CNTNAP4: variants seen among roughly 807,000 people sequenced by gnomAD.
CNTNAP4 encodes the protein contactin associated protein family member 4, also known as contactin-associated protein-like 4.
In CNTNAP4, 98 loss-of-function variants were observed where a neutral mutation model predicts 148.4. That is an observed-to-expected ratio of 0.66 (90% CI 0.56 to 0.78). CNTNAP4 has a LOEUF of 0.78. Among genes scored for constraint, CNTNAP4 ranks in the 30% least tolerant of loss-of-function variants. The probability of loss-of-function intolerance (pLI) is 0.00; values close to 1 mark genes in which losing one functional copy is unlikely to be tolerated. For synonymous variants in CNTNAP4, 730 were observed against 565.1 expected (o/e 1.29, Z -4.14); for missense variants, 1,935 against 1,565.6 (o/e 1.24, Z -3.98).
At chr16:76,365,438 A>C (rs1404655103) in intron 3 of CNTNAP4, among the ~76,000 whole-genome samples, 2 of 152,122 alleles carry the variant, frequency 1.3e-5, no homozygotes, top group Non-Finnish European at 2.9e-5. Context: ...TAAGATTTGA[A>C]GTGGATACAA....
intron 1 of CNTNAP4, among the ~76,000 whole-genome samples, chr16:76,292,718 T>C (rs1959163942): frequency 1.3e-5 from 2 of 152,158 alleles, no homozygotes; most frequent in South Asian, 4.1e-4. Context: ...TTTTTTTTTC[T>C]GTCTTTTTGA....
At position 76,277,681 on chromosome 16, in the gene CNTNAP4, G is replaced by C; in HGVS notation, c.19G>C (p.Ala7Pro). Reference protein sequence around the residue: MGSVTGAVLKTLLLLST... With the variant: MGSVTGPVLKTLLLLST... Reference sequence around the variant, plus strand: ...TGTGAACATGGGATCTGTCACGGGAGCTGTCCTCAAGACGCTACTTCTGTT... The same window carrying C: ...TGTGAACATGGGATCTGTCACGGGACCTGTCCTCAAGACGCTACTTCTGTT... The change falls in exon 1 of 24, where the codon GCT becomes CCT. Residue 7 changes from alanine (A) to proline (P), a missense_variant. Physicochemically the swap from Ala to Pro is conservative, Grantham distance 27. Transcript: ENST00000611870. 1 of 1,605,366 alleles carries C rather than the reference G, an allele frequency of 6.2e-7. No homozygotes were observed. The highest frequency in any genetic ancestry group is 8.5e-7 in the Non-Finnish European group (1 of 1,175,544).
chr16:76,416,859 A>T (rs9921993), intron 3 of CNTNAP4, among the ~76,000 whole-genome samples: 19 of 151,168 alleles, frequency 1.3e-4, no homozygotes, highest in African/African-American at 2.9e-4. Flanking sequence ...TTGCCATTCT[A>T]TCAGTATTTG....
At chr16:76,368,354 T>C (rs561051382) in intron 3 of CNTNAP4, among the ~76,000 whole-genome samples, 8 of 152,362 alleles carry the variant, frequency 5.3e-5, no homozygotes, top group Admixed American at 2.0e-4. Flanking sequence ...TAAGTTATTC[T>C]ACTATAAAGA....
intron 10 of CNTNAP4, among the ~76,000 whole-genome samples, chr16:76,474,571 C>T (rs1400175305): frequency 6.6e-6 from 1 of 152,060 alleles, no homozygotes; most frequent in South Asian, 2.1e-4. Context: ...GTAGAAACCC[C>T]ATCACAAATG....
chr16:76,505,240 C>T lies in CNTNAP4; in HGVS notation c.2365+6546C>T, dbSNP rs188164437. On this transcript the variant is annotated intron_variant, in intron 15 of 23. Transcript: ENST00000611870. ...ATGTTTATCAACTAGTGAAAGGATA[C>T]ACGTTCCATTTTACTGTGGTGTACC... 6.5e-3 allele frequency among the ~76,000 whole-genome samples: 649 copies of T among 100,470 alleles called. 97 individuals are homozygous for T. Among genetic ancestry groups the T allele is most frequent in the African/African-American group, 0.015 (593 of 39,794 alleles). 65.9% of individuals were successfully genotyped at this position (100,470 alleles called of 152,430 possible). A position where few individuals can be genotyped will look rare whatever the true frequency, so the allele number is the denominator to read the frequency against.
At chr16:76,410,397 G>A (rs34290096) in intron 3 of CNTNAP4, among the ~76,000 whole-genome samples, 51,460 of 151,500 alleles carry the variant, frequency 0.34, 10,731 homozygotes, top group Non-Finnish European at 0.44. Context: ...AGCTTTCTCT[G>A]TTCTTGTTTC....
At chr16:76,468,991 A>C (rs8060386) in intron 10 of CNTNAP4, among the ~76,000 whole-genome samples, 149,658 of 152,288 alleles carry the variant, frequency 0.98, 73,580 homozygotes, top group East Asian at 1. Flanking sequence ...AAATTATGAG[A>C]ATCAAAAGTA....
chr16:76,540,220 G>T (rs572975658), intron 20 of CNTNAP4, among the ~76,000 whole-genome samples: 1 of 152,156 alleles, frequency 6.6e-6, no homozygotes, highest in South Asian at 2.1e-4. Flanking sequence ...TTAATGATAT[G>T]AGTCACAGCA....
intron 4 of CNTNAP4, among the ~76,000 whole-genome samples, chr16:76,432,272 G>T (rs138130492): frequency 6.6e-6 from 1 of 152,262 alleles, no homozygotes; most frequent in Non-Finnish European, 1.5e-5. Context: ...TGGCTATTGT[G>T]AAAACCACAC....
intron 15 of CNTNAP4, among the ~76,000 whole-genome samples, chr16:76,504,606 A>G (rs926677070): frequency 1.3e-5 from 2 of 152,128 alleles, no homozygotes; most frequent in African/African-American, 4.8e-5. Flanking sequence ...TAGAATAAAA[A>G]TAATAATAAA....
intron 10 of CNTNAP4, among the ~76,000 whole-genome samples, chr16:76,471,611 T>C (rs4888511): frequency 0.99 from 150,032 of 152,242 alleles, 73,964 homozygotes; most frequent in East Asian, 1. Flanking sequence ...TGTTTTCCTC[T>C]TCCTTTCTGG....
intron 2 of CNTNAP4, among the ~76,000 whole-genome samples, chr16:76,322,469 T>C (rs1449228330): frequency 6.6e-6 from 1 of 152,236 alleles, no homozygotes; most frequent in Non-Finnish European, 1.5e-5. Context: ...GAGCGACTTC[T>C]TTGGTGTTAG....
intron 17 of CNTNAP4, among the ~76,000 whole-genome samples, chr16:76,525,445 G>T (rs4357964): frequency 0.017 from 2,511 of 148,364 alleles, 66 homozygotes; most frequent in African/African-American, 0.057. Flanking sequence ...TCTATATAGA[G>T]AGAGAAAAAA....
At chr16:76,439,662 A>T (rs1373314626) in intron 4 of CNTNAP4, among the ~76,000 whole-genome samples, 3 of 152,096 alleles carry the variant, frequency 2.0e-5, no homozygotes, top group Non-Finnish European at 2.9e-5. Context: ...TTTTCCCATA[A>T]CCTGCTGGTG....
rs1055478430 is a variant in CNTNAP4, at chr16:76,512,535, A to C, written c.2366-8605A>C. 3.9e-5 allele frequency among the ~76,000 whole-genome samples: 6 copies of C among 152,306 alleles called. No individual in the cohort carries two copies. In the East Asian group the frequency reaches 1.2e-3, roughly 29 times the overall value. ...AGAGGGAAAGAACTGGCATTAATTG[A>C]AATGGGGGAGATTGCTGCTGGGGTC... On this transcript the variant is annotated intron_variant, in intron 15 of 23. Coordinates refer to ENST00000611870, the MANE Select transcript of CNTNAP4 (RefSeq NM_033401.5).
intron 1 of CNTNAP4, among the ~76,000 whole-genome samples, chr16:76,310,874 G>T (rs921823068): frequency 6.6e-6 from 1 of 151,996 alleles, no homozygotes; most frequent in African/African-American, 2.4e-5. Context: ...AGAAGATCTG[G>T]CACCAGATTG....
chr16:76,383,687 T>C (rs1022650593), intron 3 of CNTNAP4, among the ~76,000 whole-genome samples: 2 of 152,218 alleles, frequency 1.3e-5, no homozygotes, highest in African/African-American at 4.8e-5. Context: ...ATTTTAGATG[T>C]GACAATTGTG....
intron 3 of CNTNAP4, among the ~76,000 whole-genome samples, chr16:76,416,867 T>G (rs1181577104): frequency 6.6e-6 from 1 of 151,406 alleles, no homozygotes. Flanking sequence ...CTATCAGTAT[T>G]TGCCTCATCT....
Sources: allele counts gnomAD v4.1 joint callset (sites outside exome capture counted in the v4.1 genomes callset), GRCh38; gene constraint gnomAD v4.1.1; transcripts MANE v1.5; gene names NCBI Gene and HGNC (gene_info 2026-07-23, HGNC 2026-07-21).